Variants in MCM9 observed in about 807,000 individuals in gnomAD.
The protein encoded by MCM9 is minichromosome maintenance 9 homologous recombination repair factor.
Under a neutral mutation model 72.8 loss-of-function variants are expected in MCM9, and 55 were observed. The observed-to-expected ratio is 0.76, with a 90% CI of 0.61 to 0.95. The LOEUF (loss-of-function observed/expected upper bound fraction) is 0.95. Ranked by LOEUF, MCM9 falls within the 40% of genes least tolerant of loss-of-function variation. The probability of loss-of-function intolerance (pLI) is 0.00; values close to 1 mark genes in which losing one functional copy is unlikely to be tolerated. For synonymous variants in MCM9, 480 were observed against 503.4 expected (o/e 0.95, Z 0.62); for missense variants, 1,279 against 1,377.0 (o/e 0.93, Z 1.13).
At chr6:118,889,938 G>A (rs1345565951) in intron 8 of MCM9, among the ~76,000 whole-genome samples, 3 of 152,198 alleles carry the variant, frequency 2.0e-5, no homozygotes, top group Non-Finnish European at 4.4e-5. Flanking sequence ...ATGACGTGGA[G>A]CAGAGAAGGG....
chr6:118,895,226 G>A (rs1779302203), intron 8 of MCM9, among the ~76,000 whole-genome samples: 1 of 151,940 alleles, frequency 6.6e-6, no homozygotes, highest in African/African-American at 2.4e-5. Flanking sequence ...GCGCTCCCCG[G>A]GGGCCGTGGG....
chr6:118,836,163 T>C lies in MCM9; in HGVS notation c.1326-6913A>G, dbSNP rs531745072. ...GATGGATTACGTTTATTGATTTGCA[T>C]ATGTTGAACCAGCCTTGCATCCCAG... is the stretch of plus-strand genomic sequence containing the variant. On this transcript the variant is annotated intron_variant, in intron 9 of 13. Transcript: ENST00000619706. 2.8e-4 allele frequency among the ~76,000 whole-genome samples: 42 copies of C among 152,322 alleles called. No individual in the cohort carries two copies. The South Asian group carries it at 8.7e-3, about 32-fold the overall frequency.
Position 118,815,638 on chromosome 6 carries a change from GGGACTGTGCACTGTGCAGGCACCCT to G in MCM9, c.2593_2617del (p.Arg865LeufsTer59). 1 of 1,550,428 alleles carries G rather than the reference GGGACTGTGCACTGTGCAGGCACCCT, an allele frequency of 6.4e-7. No individual in the cohort carries two copies. The highest frequency in any genetic ancestry group is 8.7e-7 in the Non-Finnish European group (1 of 1,146,946). ...TACAGGAGTGGACTGAGGATGGGAA[GGGACTGTGCACTGTGCAGGCACCCT>G]GGTGCTATTTCTGCACAACTTCTGG... On this transcript the variant is annotated frameshift_variant, in exon 14 of 14. Coordinates refer to ENST00000619706, the MANE Select transcript of MCM9 (RefSeq NM_017696.3). LOFTEE classifies it low-confidence loss of function (END_TRUNC).
At chr6:118,870,026 G>A (rs2114307772) in intron 8 of MCM9, among the ~76,000 whole-genome samples, 1 of 152,194 alleles carries the variant, frequency 6.6e-6, no homozygotes, top group South Asian at 2.1e-4. Flanking sequence ...AGTCTAAAAG[G>A]AGACATAGCC....
chr6:118,898,210 T>C (rs1010923495), intron 8 of MCM9, among the ~76,000 whole-genome samples: 1 of 152,204 alleles, frequency 6.6e-6, no homozygotes, highest in South Asian at 2.1e-4. Flanking sequence ...GATAATTTGA[T>C]CTACATGATG....
intron 11 of MCM9, 89 bp from the exon 12 acceptor site, chr6:118,826,953 T>C: frequency 1.0e-6 from 1 of 992,288 alleles, no homozygotes; most frequent in Non-Finnish European, 1.5e-6. Context: ...ATTTGTATTT[T>C]ATGAATGAGC....
intron 9 of MCM9, among the ~76,000 whole-genome samples, chr6:118,851,220 A>T (rs552844438): frequency 6.6e-6 from 1 of 152,010 alleles, no homozygotes; most frequent in Non-Finnish European, 1.5e-5. Flanking sequence ...AGCTACTAGT[A>T]GATGCCAGTG....
At chr6:118,934,693 T>G (rs182693066) in intron 1 of MCM9, 198 bp downstream of exon 1, 91 of 152,326 alleles carry the variant, frequency 6.0e-4, no homozygotes, top group African/African-American at 2.1e-3. Flanking sequence ...ACTTTCTAAT[T>G]CACAGGGTCT....
In MCM9 at chr6:118,829,269, C is replaced by T. The variant is rs962765653; in HGVS notation, c.1326-19G>A. 8 of 1,532,226 alleles carry T rather than the reference C, an allele frequency of 5.2e-6. No homozygotes were observed. Among genetic ancestry groups the T allele is most frequent in the African/African-American group, 1.4e-5 (1 of 72,520 alleles). 94.9% of individuals were successfully genotyped at this position (1,532,226 alleles called of 1,614,324 possible). A position where few individuals can be genotyped will look rare whatever the true frequency, so the allele number is the denominator to read the frequency against. ...CACGAGGCTGCCAGGAGAGACAGTACAATTCACTGATTGTGAGGTTCAGAT... is the reference window on the plus strand; with the variant it reads ...CACGAGGCTGCCAGGAGAGACAGTATAATTCACTGATTGTGAGGTTCAGAT... On this transcript the variant is annotated intron_variant, in intron 9 of 13. Coordinates refer to ENST00000619706, the MANE Select transcript of MCM9 (RefSeq NM_017696.3).
At chr6:118,894,955 C>T (rs945464300) in intron 8 of MCM9, among the ~76,000 whole-genome samples, 4 of 152,182 alleles carry the variant, frequency 2.6e-5, no homozygotes, top group African/African-American at 9.7e-5. Flanking sequence ...GCGGAGCCAT[C>T]TTACCCCGAG....
rs552809052 is a variant in MCM9 at position 118,828,931 on chromosome 6, A to G, written c.1528+117T>C. 9 of 1,034,912 alleles carry G rather than the reference A, an allele frequency of 8.7e-6. No individual in the cohort carries two copies. The East Asian group carries it at 1.6e-4, about 18-fold the overall frequency. 64.1% of individuals were successfully genotyped at this position (1,034,912 alleles called of 1,614,324 possible). ...CTGCTTTCTGTCTAAGCTTTTCTCT[A>G]TTGCCTGGTACTACATAGCCTATCT... On this transcript the variant is annotated intron_variant, in intron 10 of 13. Coordinates refer to ENST00000619706, the MANE Select transcript of MCM9 (RefSeq NM_017696.3).
chr6:118,855,921 T>C (rs1196381397), intron 9 of MCM9, among the ~76,000 whole-genome samples: 1 of 152,216 alleles, frequency 6.6e-6, no homozygotes, highest in Non-Finnish European at 1.5e-5. Flanking sequence ...ATGCTTACAT[T>C]ATTTACTATT....
intron 6 of MCM9, 103 bp from the exon 7 acceptor site, chr6:118,913,523 T>C (rs9374756): frequency 0.17 from 232,993 of 1,404,210 alleles, 21,467 homozygotes; most frequent in African/African-American, 0.29. Flanking sequence ...AAATATACTC[T>C]ACTATGTGAA....
At chr6:118,826,716 T>A in intron 12 of MCM9, 66 bp downstream of exon 12, 2 of 1,136,684 alleles carry the variant, frequency 1.8e-6, no homozygotes. Flanking sequence ...GTTAATAAAG[T>A]GTCCTTTTTT....
chr6:118,827,183 T>C lies in MCM9; in HGVS notation c.1733-319A>G, dbSNP rs181353325. 4.0e-4 allele frequency among the ~76,000 whole-genome samples: 61 copies of C among 152,322 alleles called. 1 individual carries two copies. The highest frequency in any genetic ancestry group is 3.4e-3 in the Middle Eastern group (1 of 294). On this transcript the variant is annotated intron_variant, in intron 11 of 13. Coordinates refer to ENST00000619706, the MANE Select transcript of MCM9 (RefSeq NM_017696.3). ...CTCATTTTCTAGTCTTTTATAAAAC[T>C]ACACAAAATTAAAACTCATTTTTCA...
intron 8 of MCM9, among the ~76,000 whole-genome samples, chr6:118,868,982 T>C (rs907108511): frequency 2.6e-5 from 4 of 152,194 alleles, no homozygotes; most frequent in African/African-American, 9.6e-5. Flanking sequence ...TATGGCAGCA[T>C]TATTCACAAT....
chr6:118,913,467 C>T, intron 6 of MCM9, 47 bp from the exon 7 acceptor site: 2 of 1,610,184 alleles, frequency 1.2e-6, no homozygotes, highest in Non-Finnish European at 1.7e-6. Flanking sequence ...TTTCAAGAAA[C>T]CCCAACTGAA....
At position 118,843,720 on chromosome 6, in the gene MCM9, G is replaced by GTGTA. The variant is rs1554257161; in HGVS notation, c.1325+12650_1325+12651insTACA. Among the ~76,000 whole-genome samples, 698 of 101,968 alleles carry GTGTA rather than the reference G, an allele frequency of 6.8e-3. 17 individuals are homozygous for GTGTA. Among genetic ancestry groups the GTGTA allele is most frequent in the African/African-American group, 0.027 (607 of 22,438 alleles). 66.9% of individuals were successfully genotyped at this position (101,968 alleles called of 152,430 possible). A position where few individuals can be genotyped will look rare whatever the true frequency, so the allele number is the denominator to read the frequency against. On this transcript the variant is annotated intron_variant, in intron 9 of 13. Transcript: ENST00000619706. ...TATATATATGTATGTATATATATAT[G>GTGTA]TATATATATATATATATATATGAGA...
At chr6:118,897,999 A>G (rs1583588856) in intron 8 of MCM9, among the ~76,000 whole-genome samples, 1 of 152,296 alleles carries the variant, frequency 6.6e-6, no homozygotes, top group East Asian at 1.9e-4. Flanking sequence ...CTCTGCTCTC[A>G]CTTCCCCTGC....
Sources: gnomAD v4.1 joint callset for allele counts (sites outside exome capture counted in the v4.1 genomes callset) on GRCh38, gnomAD v4.1.1 for gene constraint, MANE v1.5 for transcripts, NCBI Gene and HGNC (gene_info 2026-07-23, HGNC 2026-07-21) for gene names.